Variants in WDR72 observed in about 807,000 individuals in gnomAD.
WDR72 encodes WD repeat-containing protein 72.
Under a neutral mutation model 124.2 loss-of-function variants are expected in WDR72, and 120 were observed. That is an observed-to-expected ratio of 0.97 (90% CI 0.83 to 1.12). The LOEUF is 1.12. Among genes scored for constraint, WDR72 ranks in the 50% most tolerant of loss-of-function variants. The pLI, the probability that WDR72 is intolerant of heterozygous loss-of-function variation, is 0.00. For synonymous variants in WDR72, 452 were observed against 441.7 expected, an observed-to-expected ratio of 1.02 and a Z score of -0.29; for missense variants, 1,387 against 1,278.8, an observed-to-expected ratio of 1.08 and a Z score of -1.29.
At chr15:53,717,679 A>G (rs1242310532) in intron 3 of WDR72, among the ~76,000 whole-genome samples, 1 of 152,160 alleles carries the variant, frequency 6.6e-6, no homozygotes, top group Non-Finnish European at 1.5e-5. Flanking sequence ...TCTAGTGGGG[A>G]GAGGCAAGGG....
intron 18 of WDR72, among the ~76,000 whole-genome samples, chr15:53,548,955 G>C (rs991176394): frequency 6.6e-6 from 1 of 152,094 alleles, no homozygotes; most frequent in Admixed American, 6.5e-5. Flanking sequence ...GCTCCAGAAA[G>C]AATCTGGAGA....
At chr15:53,627,163 T>C (rs2140387769) in intron 14 of WDR72, among the ~76,000 whole-genome samples, 1 of 152,358 alleles carries the variant, frequency 6.6e-6, no homozygotes, top group South Asian at 2.1e-4. Context: ...CTGTTTCTCC[T>C]AAGATGACAT....
chr15:53,534,856 T>C (rs1171923655), intron 18 of WDR72, among the ~76,000 whole-genome samples: 1 of 152,112 alleles, frequency 6.6e-6, no homozygotes, highest in South Asian at 2.1e-4. Context: ...CAGATTTCTG[T>C]TTCTTCTTAT....
At chr15:53,639,735 G>C (rs906812035) in intron 14 of WDR72, among the ~76,000 whole-genome samples, 2 of 151,848 alleles carry the variant, frequency 1.3e-5, no homozygotes, top group African/African-American at 4.8e-5. Flanking sequence ...TTTTCATGCG[G>C]AAAGTGCCCT....
rs1038945002 is a variant in WDR72, at chr15:53,516,269, A to T, written c.*1430T>A. ...CTTTAATCTACTTTAAGGGAGTCACACTCATTTGACATCTTTATCCTGGTA... is the reference window on the plus strand; with the variant it reads ...CTTTAATCTACTTTAAGGGAGTCACTCTCATTTGACATCTTTATCCTGGTA... On this transcript the variant is annotated 3_prime_UTR_variant, in exon 20 of 20. Transcript: ENST00000360509. 4 of 152,088 alleles carry T rather than the reference A, an allele frequency of 2.6e-5. No individual in the cohort carries two copies. The highest frequency in any genetic ancestry group is 5.9e-5 in the Non-Finnish European group (4 of 67,962). The allele number at this position is 152,088 out of a possible 1,614,324, so 9.4% of individuals were successfully genotyped here.
At chr15:53,719,829 G>T (rs541450767) in intron 3 of WDR72, among the ~76,000 whole-genome samples, 1 of 152,136 alleles carries the variant, frequency 6.6e-6, no homozygotes, top group East Asian at 1.9e-4. Flanking sequence ...GCACGCTCAG[G>T]ATTGAGAAGC....
intron 3 of WDR72, among the ~76,000 whole-genome samples, chr15:53,717,435 C>A (rs1042359462): frequency 6.6e-6 from 1 of 152,272 alleles, no homozygotes; most frequent in South Asian, 2.1e-4. Context: ...AAAGGAGATA[C>A]TGCCATTATA....
intron 14 of WDR72, among the ~76,000 whole-genome samples, chr15:53,620,315 A>C (rs934304745): frequency 3.3e-5 from 5 of 152,138 alleles, no homozygotes; most frequent in Admixed American, 3.3e-4. Flanking sequence ...ATATATTGTC[A>C]ATGGAAAATA....
At chr15:53,736,779 G>C (rs143465951) in intron 1 of WDR72, among the ~76,000 whole-genome samples, 1 of 152,092 alleles carries the variant, frequency 6.6e-6, no homozygotes, top group African/African-American at 2.4e-5. Flanking sequence ...AAATGATCAG[G>C]AGGGCATCCA....
intron 1 of WDR72, 21 bp downstream of exon 1, chr15:53,759,612 C>T (rs1212083795): frequency 6.6e-6 from 1 of 152,478 alleles, no homozygotes; most frequent in African/African-American, 2.4e-5. Flanking sequence ...CCGACCTGCG[C>T]TCTGGGGGTG....
chr15:53,694,994 T>G (rs1042940266), intron 13 of WDR72, among the ~76,000 whole-genome samples: 20 of 152,318 alleles, frequency 1.3e-4, no homozygotes, highest in Non-Finnish European at 5.9e-5. Flanking sequence ...GCTTCACTTA[T>G]GCTACAATAG....
At chr15:53,730,815 T>C (rs1025037990) in intron 2 of WDR72, among the ~76,000 whole-genome samples, 8 of 152,130 alleles carry the variant, frequency 5.3e-5, no homozygotes, top group Non-Finnish European at 8.8e-5. Flanking sequence ...ATTAAACCAC[T>C]AAGTATTAAC....
intron 13 of WDR72, among the ~76,000 whole-genome samples, chr15:53,695,559 G>A (rs955121548): frequency 1.3e-5 from 2 of 152,032 alleles, no homozygotes; most frequent in African/African-American, 2.4e-5. Context: ...TGGGACATCC[G>A]GCAAATCAAT....
chr15:53,658,299 AC>A (rs2015497615), intron 14 of WDR72, among the ~76,000 whole-genome samples: 1 of 152,170 alleles, frequency 6.6e-6, no homozygotes, highest in Admixed American at 6.6e-5. Flanking sequence ...CTTGAACATA[AC>A]AGCTCGCAAT....
intron 2 of WDR72, among the ~76,000 whole-genome samples, chr15:53,728,935 C>T (rs1338809719): frequency 6.6e-6 from 1 of 152,110 alleles, no homozygotes; most frequent in Non-Finnish European, 1.5e-5. Flanking sequence ...CATCCCACTG[C>T]ACATGGTCAA....
At position 53,514,038 on chromosome 15, in the gene WDR72, C is replaced by G. The variant is rs1891310738; in HGVS notation, c.*3661G>C. On this transcript the variant is annotated 3_prime_UTR_variant, in exon 20 of 20. Coordinates refer to ENST00000360509, the MANE Select transcript of WDR72 (RefSeq NM_182758.4). ...TGAGCAAACTACAGTGCGAGGTGAT[C>G]TGGGGACTATTGTACATGAAGCCAT... 6.6e-6 allele frequency: 1 copy of G among 152,174 alleles called. No homozygotes were observed. The highest frequency in any genetic ancestry group is 1.5e-5 in the Non-Finnish European group (1 of 68,036). The allele number at this position is 152,174 out of a possible 1,614,324, so 9.4% of individuals were successfully genotyped here. A position where few individuals can be genotyped will look rare whatever the true frequency, so the allele number is the denominator to read the frequency against.
intron 13 of WDR72, among the ~76,000 whole-genome samples, chr15:53,693,492 G>C (rs1567032337): frequency 6.6e-6 from 1 of 152,006 alleles, no homozygotes; most frequent in Non-Finnish European, 1.5e-5. Flanking sequence ...AAAAACATGA[G>C]CTATTAGCTG....
At chr15:53,681,719 C>A (rs2016391919) in intron 13 of WDR72, among the ~76,000 whole-genome samples, 1 of 152,008 alleles carries the variant, frequency 6.6e-6, no homozygotes, top group Non-Finnish European at 1.5e-5. Context: ...CTATTTGTTT[C>A]TGAGCATACA....
chr15:53,534,492 A>G lies in WDR72; in HGVS notation c.3149-11170T>C, dbSNP rs529100287. 3.3e-5 allele frequency among the ~76,000 whole-genome samples: 5 copies of G among 152,040 alleles called. No individual in the cohort carries two copies. In the South Asian group the frequency reaches 1.0e-3, roughly 32 times the overall value. ...TCATAAACTTAAATTTACCCTAGGG[A>G]TTTTATTTCTTTGAACTCAATGTAC... On this transcript the variant is annotated intron_variant, in intron 18 of 19. Coordinates refer to ENST00000360509, the MANE Select transcript of WDR72 (RefSeq NM_182758.4).
Sources: gnomAD v4.1 joint callset for allele counts (sites outside exome capture counted in the v4.1 genomes callset) on GRCh38, gnomAD v4.1.1 for gene constraint, MANE v1.5 for transcripts, NCBI Gene and HGNC (gene_info 2026-07-23, HGNC 2026-07-21) for gene names.